HBS1L: variants seen among roughly 807,000 people sequenced by gnomAD.
HBS1L encodes HBS1 like translational GTPase, also known as HBS1-like protein.
In HBS1L, 55 loss-of-function variants were observed where a neutral mutation model predicts 88.9. That is an observed-to-expected ratio of 0.62 (90% CI 0.50 to 0.77). HBS1L has a LOEUF of 0.77. Ranked by LOEUF, HBS1L falls within the 30% of genes least tolerant of loss-of-function variation. The pLI, the probability that HBS1L is intolerant of heterozygous loss-of-function variation, is 0.00. For missense variants in HBS1L, 741 were observed against 829.3 expected (o/e 0.89, Z 1.31); for synonymous variants, 267 against 288.5 (o/e 0.93, Z 0.76).
chr6:135,029,830 A>T (rs1305223989), intron 4 of HBS1L, among the ~76,000 whole-genome samples: 1 of 152,234 alleles, frequency 6.6e-6, no homozygotes, highest in African/African-American at 2.4e-5. Context: ...TGTATATGGC[A>T]GCAAAGTTCT....
intron 4 of HBS1L, among the ~76,000 whole-genome samples, chr6:135,013,385 A>G (rs565820262): frequency 3.4e-4 from 52 of 152,368 alleles, no homozygotes; most frequent in Middle Eastern, 3.4e-3. Context: ...TCATGAAGGG[A>G]AGGCGAGAAA....
chr6:134,979,551 G>A (rs1774759338), intron 13 of HBS1L: 2 of 303,448 alleles, frequency 6.6e-6, no homozygotes, highest in Non-Finnish European at 1.3e-5. Flanking sequence ...TGACACAATT[G>A]GTATATTCAT....
In HBS1L at chr6:135,012,343, G is replaced by C. The variant is rs549466618; in HGVS notation, c.431-9501C>G. Among the ~76,000 whole-genome samples the C allele has an allele frequency of 5.3e-5, 8 of 152,282 alleles. No homozygotes were observed. The East Asian group carries it at 1.5e-3, about 29-fold the overall frequency. On this transcript the variant is annotated intron_variant, in intron 4 of 17. Transcript: ENST00000367837. ...CACTATGCAACCGGCATTAAAAAGTGCATGCTTTTTAAAGTGATTACTTCT... is the reference window on the plus strand; with the variant it reads ...CACTATGCAACCGGCATTAAAAAGTCCATGCTTTTTAAAGTGATTACTTCT...
intron 4 of HBS1L, among the ~76,000 whole-genome samples, chr6:135,027,431 T>A (rs1358283136): frequency 6.6e-6 from 1 of 151,976 alleles, no homozygotes; most frequent in Non-Finnish European, 1.5e-5. Flanking sequence ...TCTAAAACTC[T>A]CTTGGACTCT....
intron 4 of HBS1L, chr6:135,027,197 AAAAAAAAAAAAAAAAAAAAGAAAAG>A (rs1446001128): frequency 7.1e-6 from 1 of 141,310 alleles, no homozygotes; most frequent in African/African-American, 3.0e-5. Context: ...CAAAAAAAAA[AAAAAAAAAAAAAAAAAAAAGAAAAG>A]AAAAAATAGC....
chr6:134,978,241 T>C (rs544204023), intron 15 of HBS1L, among the ~76,000 whole-genome samples: 1 of 152,148 alleles, frequency 6.6e-6, no homozygotes, highest in South Asian at 2.1e-4. Flanking sequence ...ATTTTTAAGT[T>C]TTCCAAAATT....
chr6:134,992,397 G>C (rs1194564751), intron 8 of HBS1L, among the ~76,000 whole-genome samples: 2 of 152,126 alleles, frequency 1.3e-5, no homozygotes, highest in Non-Finnish European at 2.9e-5. Context: ...CATTACTCAT[G>C]TATCTGTGAT....
intron 4 of HBS1L, among the ~76,000 whole-genome samples, chr6:135,003,270 T>C (rs982428910): frequency 6.6e-6 from 1 of 152,200 alleles, no homozygotes; most frequent in South Asian, 2.1e-4. Context: ...GTTTATGAAC[T>C]GATGAACAAG....
chr6:135,039,753 A>C lies in HBS1L; in HGVS notation c.250T>G (p.Cys84Gly). 6.2e-7 allele frequency: 1 copy of C among 1,611,740 alleles called. No individual in the cohort carries two copies. Among genetic ancestry groups the C allele is most frequent in the South Asian group, 1.1e-5 (1 of 90,838 alleles). The change falls in exon 4 of 18, where the codon TGC (cysteine) becomes GGC (glycine). Residue 84 changes from cysteine (C) to glycine (G), a missense_variant. By Grantham distance (159) the Cys-to-Gly change is radical (BLOSUM62 -3). Coordinates refer to ENST00000367837, the MANE Select transcript of HBS1L (RefSeq NM_006620.4). ...AGTACCTCTCTCATGTGATCAAGGC[A>C]TGAATAAAGACGAGCTAGAAAAGAC... ...SGFDQARLYS[C>G]LDHMREVLGD...
chr6:135,037,642 G>C, intron 4 of HBS1L: 7 of 1,548,880 alleles, frequency 4.5e-6, no homozygotes, highest in Non-Finnish European at 6.1e-6. Context: ...ATCATCTTTG[G>C]AAATGCATTC....
At position 134,978,866 on chromosome 6, in the gene HBS1L, C is replaced by A. The variant is rs544332464; in HGVS notation, c.1689-79G>T. 3.5e-6 allele frequency: 3 copies of A among 847,738 alleles called. No homozygotes were observed. In the African/African-American group the frequency reaches 5.2e-5, roughly 15 times the overall value. The allele number at this position is 847,738 out of a possible 1,614,324, so 52.5% of individuals were successfully genotyped here. Reference sequence around the variant, plus strand: ...AATAGAAAGACCTCAAAAACATTTACAAGGAAAGTAAAACAATTAAGTAAA... The same window carrying A: ...AATAGAAAGACCTCAAAAACATTTAAAAGGAAAGTAAAACAATTAAGTAAA... On this transcript the variant is annotated intron_variant, in intron 14 of 17. Transcript: ENST00000367837.
At chr6:135,040,344 C>CCTTTTTTTTTTTTTTTTT (rs1365916364) in intron 3 of HBS1L, among the ~76,000 whole-genome samples, 3 of 110,060 alleles carry the variant, frequency 2.7e-5, no homozygotes, top group African/African-American at 1.1e-4. Flanking sequence ...GATAGGCATT[C>CCTTTTTTTTTTTTTTTTT]TTTTTTTTTT....
At chr6:135,044,187 T>C (rs74884639) in intron 2 of HBS1L, among the ~76,000 whole-genome samples, 487 of 152,346 alleles carry the variant, frequency 3.2e-3, no homozygotes, top group Non-Finnish European at 5.6e-3. Flanking sequence ...TGTAAAATCC[T>C]ATATTTACTG....
At chr6:135,053,016 T>C (rs556193075) in intron 1 of HBS1L, among the ~76,000 whole-genome samples, 1 of 152,302 alleles carries the variant, frequency 6.6e-6, no homozygotes, top group African/African-American at 2.4e-5. Flanking sequence ...TGAGTACAAC[T>C]TTTATAAACA....
At position 134,996,925 on chromosome 6, in the gene HBS1L, T is replaced by C; in HGVS notation, c.817A>G (p.Lys273Glu). ...AGCATATGGCCCATCAGAGTACTTTTCCCAGCATCAACATGACCTAAAGAA... is the reference window on the plus strand; with the variant it reads ...AGCATATGGCCCATCAGAGTACTTTCCCCAGCATCAACATGACCTAAAGAA... ...LVVIGHVDAG[K>E]STLMGHMLYL... Residue 273 changes from lysine (K) to glutamate (E), a missense_variant, in exon 7 of 18, where the codon AAA (lysine) becomes GAA (glutamate). Lys to Glu is a moderately conservative substitution (Grantham distance 56). Around this residue, in one of 3 missense-constraint regions of HBS1L, gnomAD observed 556 missense variants for 598.4 expected, o/e 0.93. Coordinates refer to ENST00000367837, the MANE Select transcript of HBS1L (RefSeq NM_006620.4). 1 of 1,590,236 alleles carries C rather than the reference T, an allele frequency of 6.3e-7. No homozygotes were observed. The highest frequency in any genetic ancestry group is 8.5e-7 in the Non-Finnish European group (1 of 1,172,572).
rs147350264 is a variant in HBS1L, at chr6:134,990,565, G to A, written c.1084-2774C>T. On this transcript the variant is annotated intron_variant, in intron 8 of 17. Transcript: ENST00000367837. ...CTTTCCCACCATAATTCCATAAAGA[G>A]TTTGAAATAAATGATTTTTGTTTTT... Among the ~76,000 whole-genome samples, 175 of 152,284 alleles carry A rather than the reference G, an allele frequency of 1.1e-3. 2 individuals carry two copies. Among genetic ancestry groups the A allele is most frequent in the African/African-American group, 3.8e-3 (159 of 41,562 alleles).
At chr6:135,001,582 A>G (rs949641000) in intron 5 of HBS1L, among the ~76,000 whole-genome samples, 5 of 152,126 alleles carry the variant, frequency 3.3e-5, no homozygotes, top group Non-Finnish European at 7.4e-5. Context: ...CTCAATCCCA[A>G]TTCAGAAGGA....
chr6:135,050,668 A>T, intron 1 of HBS1L, 21 bp from the exon 2 acceptor site: 1 of 1,462,686 alleles, frequency 6.8e-7, no homozygotes, highest in South Asian at 1.2e-5. Context: ...GACAAAAGAG[A>T]TAAATTCATT....
chr6:135,042,061 C>T lies in HBS1L; in HGVS notation c.175G>A (p.Glu59Lys). ...SVEPVEEYDYEDLKESSNSVS... is the reference protein window; with the variant it reads ...SVEPVEEYDYKDLKESSNSVS... ...GAATTGGAAGATTCTTTCAGATCTT[C>T]ATAATCATATTCTTCCACAGGCTCA... The change falls in exon 3 of 18, where the codon GAA becomes AAA. Residue 59 changes from glutamate (E) to lysine (K), a missense_variant. Glu to Lys is a moderately conservative substitution (Grantham distance 56). Around this residue, in one of 3 missense-constraint regions of HBS1L, gnomAD observed 556 missense variants for 598.4 expected, o/e 0.93. Coordinates refer to ENST00000367837, the MANE Select transcript of HBS1L (RefSeq NM_006620.4). 6.2e-7 allele frequency: 1 copy of T among 1,613,334 alleles called. No individual in the cohort carries two copies. The highest frequency in any genetic ancestry group is 8.5e-7 in the Non-Finnish European group (1 of 1,179,580).
Sources: allele counts gnomAD v4.1 joint callset (sites outside exome capture counted in the v4.1 genomes callset), GRCh38; gene constraint gnomAD v4.1.1; regional missense constraint gnomAD v4.1.1; transcripts MANE v1.5; gene names NCBI Gene and HGNC (gene_info 2026-07-23, HGNC 2026-07-21).